Variants in HNF4G observed in about 807,000 individuals in gnomAD.
The protein encoded by HNF4G is hepatocyte nuclear factor 4 gamma.
Under a neutral mutation model 50.9 loss-of-function variants are expected in HNF4G, and 21 were observed. That is an observed-to-expected ratio of 0.41 (90% CI 0.29 to 0.59). HNF4G has a LOEUF of 0.59. HNF4G is among the 20% of genes least tolerant of loss of function. HNF4G has a pLI of 0.26. For missense variants in HNF4G, 527 were observed against 559.4 expected (o/e 0.94, Z 0.58); for synonymous variants, 198 against 185.6 (o/e 1.07, Z -0.54).
intron 3 of HNF4G, among the ~76,000 whole-genome samples, chr8:75,547,960 A>G (rs1336752198): frequency 1.3e-5 from 2 of 151,728 alleles, no homozygotes; most frequent in Non-Finnish European, 2.9e-5. Flanking sequence ...ATGGTATACC[A>G]ATATTCTGTT....
intron 1 of HNF4G, among the ~76,000 whole-genome samples, chr8:75,409,212 C>T (rs766381538): frequency 1.4e-4 from 21 of 152,074 alleles, no homozygotes; most frequent in Non-Finnish European, 2.9e-4. Flanking sequence ...TTTCACTTTT[C>T]AAAATGGAGT....
intron 2 of HNF4G, among the ~76,000 whole-genome samples, chr8:75,505,081 T>C (rs1249864014): frequency 6.6e-6 from 1 of 152,192 alleles, no homozygotes; most frequent in Non-Finnish European, 1.5e-5. Context: ...CAGAGGGTTT[T>C]ATGGATAATT....
At chr8:75,428,159 AT>A (rs1337588274) in intron 1 of HNF4G, among the ~76,000 whole-genome samples, 2 of 152,218 alleles carry the variant, frequency 1.3e-5, no homozygotes, top group African/African-American at 2.4e-5. Flanking sequence ...AGGAATATTG[AT>A]CAAAACCTCA....
At chr8:75,455,881 C>T (rs770927248) in intron 1 of HNF4G, among the ~76,000 whole-genome samples, 2 of 151,910 alleles carry the variant, frequency 1.3e-5, no homozygotes, top group Non-Finnish European at 2.9e-5. Context: ...GATGTCATCT[C>T]TGAATCACAA....
intron 4 of HNF4G, 102 bp downstream of exon 4, chr8:75,551,596 T>C (rs867728044): frequency 5.1e-5 from 34 of 663,206 alleles, no homozygotes; most frequent in South Asian, 2.8e-4. Context: ...TGCTCATTAC[T>C]AAAATAAGTT....
chr8:75,488,897 G>A (rs547854016), intron 1 of HNF4G, among the ~76,000 whole-genome samples: 1 of 152,260 alleles, frequency 6.6e-6, no homozygotes, highest in Non-Finnish European at 1.5e-5. Flanking sequence ...GGAGTTTGAA[G>A]TAGGAGGGAT....
chr8:75,543,499 C>G (rs1806686407), intron 1 of HNF4G, among the ~76,000 whole-genome samples: 1 of 152,106 alleles, frequency 6.6e-6, no homozygotes, highest in South Asian at 2.1e-4. Context: ...TGGGAGACAT[C>G]GGGGCTAGAG....
chr8:75,499,194 C>T lies in HNF4G; in HGVS notation c.-24+8986C>T, dbSNP rs1366345268. 2.0e-5 allele frequency among the ~76,000 whole-genome samples: 3 copies of T among 152,094 alleles called. No individual in the cohort carries two copies. The East Asian group carries it at 5.8e-4, about 29-fold the overall frequency. On this transcript the variant is annotated intron_variant, in intron 2 of 10. Coordinates refer to the HNF4G transcript ENST00000354370. ...GTTCAACAGGGTTATAGGATAGATA[C>T]AAGGTTAATATACAAAAATTAGTTT...
At chr8:75,451,035 A>C (rs1811572167) in intron 1 of HNF4G, among the ~76,000 whole-genome samples, 1 of 152,210 alleles carries the variant, frequency 6.6e-6, no homozygotes, top group African/African-American at 2.4e-5. Context: ...ATAAATTATC[A>C]AGTCTGTAGT....
At chr8:75,487,330 G>A (rs9298257) in intron 1 of HNF4G, among the ~76,000 whole-genome samples, 34,715 of 151,728 alleles carry the variant, frequency 0.23, 5,177 homozygotes, top group African/African-American at 0.43. Flanking sequence ...TAAGAATTTC[G>A]GGATAGACAC....
chr8:75,508,470 CTG>C (rs1312112660), intron 2 of HNF4G, among the ~76,000 whole-genome samples: 1 of 151,348 alleles, frequency 6.6e-6, no homozygotes, highest in East Asian at 1.9e-4. Flanking sequence ...GCCTTAATAA[CTG>C]TATGAAAAAT....
At chr8:75,435,622 C>CTT (rs1379013221) in intron 1 of HNF4G, among the ~76,000 whole-genome samples, 5 of 152,150 alleles carry the variant, frequency 3.3e-5, no homozygotes, top group Non-Finnish European at 4.4e-5. Context: ...TTGAGACAGT[C>CTT]TCACTCTGTC....
intron 2 of HNF4G, among the ~76,000 whole-genome samples, chr8:75,497,482 G>A (rs766785538): frequency 1.3e-5 from 2 of 152,084 alleles, no homozygotes; most frequent in Non-Finnish European, 2.9e-5. Context: ...TCAGGAGTTC[G>A]AGGTCAGTGT....
intron 2 of HNF4G, among the ~76,000 whole-genome samples, chr8:75,493,094 T>C (rs1288178174): frequency 1.3e-5 from 2 of 152,116 alleles, no homozygotes; most frequent in Admixed American, 6.6e-5. Flanking sequence ...AATGCTTAAA[T>C]ATGTGTAAAA....
intron 2 of HNF4G, among the ~76,000 whole-genome samples, chr8:75,533,897 A>G (rs545234272): frequency 6.6e-5 from 10 of 151,982 alleles, no homozygotes; most frequent in African/African-American, 2.4e-4. Context: ...TATATGGAGA[A>G]ACTCTCTTAT....
intron 1 of HNF4G, among the ~76,000 whole-genome samples, chr8:75,422,703 G>A (rs113486782): frequency 1.3e-5 from 2 of 150,776 alleles, no homozygotes; most frequent in Admixed American, 6.6e-5. Flanking sequence ...GTGCGATCTC[G>A]GCTCACTGCA....
rs1806342665 is a variant in HNF4G, at chr8:75,532,089, TA to T, written c.-23-11720del. ...ATTCTTTAATATGAGTTTGAAGTCA[TA>T]ACATCTAAAAACCCCTCTACCTCAT... On this transcript the variant is annotated intron_variant, in intron 2 of 10. Coordinates refer to the HNF4G transcript ENST00000354370. 2.6e-5 allele frequency among the ~76,000 whole-genome samples: 4 copies of T among 152,214 alleles called. No individual in the cohort carries two copies. In the South Asian group the frequency reaches 8.3e-4, roughly 32 times the overall value.
intron 1 of HNF4G, among the ~76,000 whole-genome samples, chr8:75,463,307 A>C (rs187039566): frequency 1.3e-5 from 2 of 152,272 alleles, no homozygotes; most frequent in Admixed American, 1.3e-4. Flanking sequence ...GTTATGATAT[A>C]AAGTATCACC....
chr8:75,435,027 A>G (rs1006467292), intron 1 of HNF4G, among the ~76,000 whole-genome samples: 7 of 152,216 alleles, frequency 4.6e-5, no homozygotes, highest in African/African-American at 1.7e-4. Flanking sequence ...AACTCTTTAA[A>G]AGAACAGAAC....
Sources: gnomAD v4.1 joint callset for allele counts (sites outside exome capture counted in the v4.1 genomes callset) on GRCh38, gnomAD v4.1.1 for gene constraint, MANE v1.5 for transcripts, NCBI Gene and HGNC (gene_info 2026-07-23, HGNC 2026-07-21) for gene names.